The following SUV39H2 variants were observed in gnomAD, a reference collection of about 807,000 sequenced individuals.
SUV39H2 encodes histone-lysine N-methyltransferase SUV39H2.
In SUV39H2, 10 loss-of-function variants were observed where a neutral mutation model predicts 47.5. That is an observed-to-expected ratio of 0.21 (90% CI 0.13 to 0.36). SUV39H2 has a LOEUF of 0.36. Among genes scored for constraint, SUV39H2 ranks in the 10% least tolerant of loss-of-function variants. The pLI, the probability that SUV39H2 is intolerant of heterozygous loss-of-function variation, is 1.00. For missense variants in SUV39H2, 266 were observed against 487.4 expected (o/e 0.55, Z 4.28); for synonymous variants, 159 against 166.8 (o/e 0.95, Z 0.36).
chr10:14,901,543 GTC>G (rs760838091), intron 5 of SUV39H2, among the ~76,000 whole-genome samples: 2 of 146,404 alleles, frequency 1.4e-5, no homozygotes, highest in Admixed American at 6.8e-5. Context: ...TGTACTACTT[GTC>G]TTTTTTTTTT....
Position 14,889,392 on chromosome 10 carries a change from T to C in SUV39H2, c.178-7454T>C, listed in dbSNP as rs557510643. On this transcript the variant is annotated intron_variant, in intron 2 of 5. Transcript: ENST00000354919. Reference sequence around the variant, plus strand: ...TGTCTTAGCAACTTAATATGTCTTTTAGAGATTCCCTACATATACAAAAGT... The same window carrying C: ...TGTCTTAGCAACTTAATATGTCTTTCAGAGATTCCCTACATATACAAAAGT... Among the ~76,000 whole-genome samples the C allele has an allele frequency of 1.2e-4, 19 of 152,328 alleles. No homozygotes were observed. The East Asian group carries it at 3.7e-3, about 29-fold the overall frequency.
intron 4 of SUV39H2, among the ~76,000 whole-genome samples, chr10:14,899,972 T>C (rs1375715717): frequency 6.6e-6 from 1 of 152,218 alleles, no homozygotes; most frequent in Non-Finnish European, 1.5e-5. Context: ...ATTACTTTCA[T>C]ATTACAATGA....
chr10:14,879,036 C>G (rs1832957479), intron 1 of SUV39H2, 117 bp downstream of exon 1: 1 of 1,317,990 alleles, frequency 7.6e-7, no homozygotes, highest in Non-Finnish European at 9.7e-7. Flanking sequence ...CCCCGCCCGC[C>G]GCGACCCCAA....
chr10:14,892,157 T>C (rs1479059675), intron 2 of SUV39H2, among the ~76,000 whole-genome samples: 1 of 152,156 alleles, frequency 6.6e-6, no homozygotes, highest in African/African-American at 2.4e-5. Flanking sequence ...AATGGTTAGG[T>C]GGTGGCTGCC....
intron 2 of SUV39H2, among the ~76,000 whole-genome samples, chr10:14,892,204 T>C (rs935329133): frequency 2.6e-5 from 4 of 151,906 alleles, no homozygotes; most frequent in Non-Finnish European, 5.9e-5. Context: ...GGCTGAAGAG[T>C]CCGTGGGTTT....
intron 2 of SUV39H2, among the ~76,000 whole-genome samples, chr10:14,890,542 G>C (rs1331513535): frequency 6.6e-6 from 1 of 152,138 alleles, no homozygotes; most frequent in Admixed American, 6.5e-5. Flanking sequence ...ACAGGCATGT[G>C]CCACCACATG....
chr10:14,887,260 A>T (rs1410001100), intron 2 of SUV39H2, among the ~76,000 whole-genome samples: 2 of 152,092 alleles, frequency 1.3e-5, no homozygotes, highest in Non-Finnish European at 2.9e-5. Flanking sequence ...AAAAATAAGG[A>T]TGTAAAATGT....
chr10:14,898,264 G>A lies in SUV39H2; in HGVS notation c.849+747G>A, dbSNP rs11259382. On this transcript the variant is annotated intron_variant, in intron 3 of 5. Coordinates refer to ENST00000354919, the MANE Select transcript of SUV39H2 (RefSeq NM_001193424.2). ...GTACTGTTATGTCCATTATTGTAGAGAAATTGAGTACCTTGCCCAAGGTCA... is the reference window on the plus strand; with the variant it reads ...GTACTGTTATGTCCATTATTGTAGAAAAATTGAGTACCTTGCCCAAGGTCA... 7.6e-5 allele frequency: 9 copies of A among 117,662 alleles called. No individual in the cohort carries two copies. In the East Asian group the frequency reaches 2.4e-3, roughly 31 times the overall value. 7.3% of individuals were successfully genotyped at this position (117,662 alleles called of 1,614,324 possible). A position where few individuals can be genotyped will look rare whatever the true frequency, so the allele number is the denominator to read the frequency against.
At chr10:14,901,064 T>A in intron 4 of SUV39H2, 69 bp from the exon 5 acceptor site, 1 of 1,553,728 alleles carries the variant, frequency 6.4e-7, no homozygotes, top group Admixed American at 1.9e-5. Flanking sequence ...AAGTAAACAT[T>A]TTATATGGCA....
At chr10:14,889,224 A>C (rs895299734) in intron 2 of SUV39H2, among the ~76,000 whole-genome samples, 17 of 152,136 alleles carry the variant, frequency 1.1e-4, no homozygotes, top group African/African-American at 4.1e-4. Context: ...GGTGTTTATA[A>C]TTTTTTTCAA....
Position 14,903,421 on chromosome 10 carries a change from A to G in SUV39H2, c.*909A>G, listed in dbSNP as rs1834152526. 6.6e-6 allele frequency: 1 copy of G among 152,244 alleles called. No individual in the cohort carries two copies. Among genetic ancestry groups the G allele is most frequent in the African/African-American group, 2.4e-5 (1 of 41,476 alleles). 9.4% of individuals were successfully genotyped at this position (152,244 alleles called of 1,614,324 possible). A position where few individuals can be genotyped will look rare whatever the true frequency, so the allele number is the denominator to read the frequency against. Reference sequence around the variant, plus strand: ...TGTACCTAACAATACTGTAATGTACATTAACATTACAGCCTCTCAATTTCA... The same window carrying G: ...TGTACCTAACAATACTGTAATGTACGTTAACATTACAGCCTCTCAATTTCA... On this transcript the variant is annotated 3_prime_UTR_variant, in exon 6 of 6. Coordinates refer to ENST00000354919, the MANE Select transcript of SUV39H2 (RefSeq NM_001193424.2).
In SUV39H2 at chr10:14,897,250, A is replaced by T; in HGVS notation, c.582A>T (p.Thr194=). The T allele has an allele frequency of 6.2e-7, 1 of 1,613,900 alleles. No individual in the cohort carries two copies. Among genetic ancestry groups the T allele is most frequent in the South Asian group, 1.1e-5 (1 of 91,086 alleles). ...AAGCTACCTTTGGTTGTTCATGCAC[A>T]GATTGCTTCTTTCAAAAATGTTGTC... The part of the protein sequence containing the change: ...VNEATFGCSC[T]DCFFQKCCPA... Residue 194 remains threonine, a synonymous_variant, in exon 3 of 6, where the codon ACA becomes ACT. Transcript: ENST00000354919.
At chr10:14,901,091 T>G (rs752819993) in intron 4 of SUV39H2, 42 bp from the exon 5 acceptor site, 1 of 1,606,878 alleles carries the variant, frequency 6.2e-7, no homozygotes, top group Non-Finnish European at 8.5e-7. Flanking sequence ...AGGGCTTGTT[T>G]ACACCGTTTG....
chr10:14,878,893 C>T lies in SUV39H2; in HGVS notation c.5C>T (p.Ala2Val). Reference sequence around the variant, plus strand: ...TTTGAATGAAAGCTCTACAAGATGGCGGCGGTCGGGGCCGAGGCGCGAGGA... The same window carrying T: ...TTTGAATGAAAGCTCTACAAGATGGTGGCGGTCGGGGCCGAGGCGCGAGGA... M[A>V]AVGAEARGAW... Residue 2 changes from alanine (A) to valine (V), a missense_variant, in exon 1 of 6, where the codon GCG becomes GTG. Transcript: ENST00000354919. 1 of 1,487,522 alleles carries T rather than the reference C, an allele frequency of 6.7e-7. No homozygotes were observed. The highest frequency in any genetic ancestry group is 1.3e-5 in the South Asian group (1 of 75,600). 92.1% of individuals were successfully genotyped at this position (1,487,522 alleles called of 1,614,324 possible). A position where few individuals can be genotyped will look rare whatever the true frequency, so the allele number is the denominator to read the frequency against.
In SUV39H2 at chr10:14,881,552, A is replaced by G; in HGVS notation, c.84A>G (p.Arg28=). Residue 28 remains arginine, a synonymous_variant, in exon 2 of 6, where the codon AGA becomes AGG. Coordinates refer to ENST00000354919, the MANE Select transcript of SUV39H2 (RefSeq NM_001193424.2). ...VSLDTLQELC[R]KEKLTCKSIG... ...TTGATACTCTTCAGGAATTATGTAGAAAAGAAAAGCTCACATGTAAATCGA... is the reference window on the plus strand; with the variant it reads ...TTGATACTCTTCAGGAATTATGTAGGAAAGAAAAGCTCACATGTAAATCGA... The G allele has an allele frequency of 1.2e-6, 2 of 1,606,658 alleles. No individual in the cohort carries two copies. The highest frequency in any genetic ancestry group is 2.2e-5 in the South Asian group (2 of 89,444).
In SUV39H2 at chr10:14,894,633, C is replaced by G. The variant is rs1833506424; in HGVS notation, c.178-2213C>G. On this transcript the variant is annotated intron_variant, in intron 2 of 5. Transcript: ENST00000354919. ...CCGCCCGCCTCGGCCTCCCAAAGTG[C>G]TGGGATTACAGGCGTGAGCCACCGC... Among the ~76,000 whole-genome samples the G allele has an allele frequency of 3.5e-5, 2 of 57,540 alleles. 1 individual carries two copies. Among genetic ancestry groups the G allele is most frequent in the Admixed American group, 3.4e-4 (2 of 5,862 alleles). 37.7% of individuals were successfully genotyped at this position (57,540 alleles called of 152,430 possible). A position where few individuals can be genotyped will look rare whatever the true frequency, so the allele number is the denominator to read the frequency against.
chr10:14,885,542 T>C (rs1288242930), intron 2 of SUV39H2, among the ~76,000 whole-genome samples: 2 of 152,246 alleles, frequency 1.3e-5, no homozygotes. Flanking sequence ...TGTGGAATCC[T>C]GAGTGTTGTA....
At chr10:14,883,769 T>C (rs1833120113) in intron 2 of SUV39H2, among the ~76,000 whole-genome samples, 1 of 150,112 alleles carries the variant, frequency 6.7e-6, no homozygotes, top group South Asian at 2.1e-4. Context: ...GGAGTCAGTT[T>C]TAGAACACTT....
intron 2 of SUV39H2, among the ~76,000 whole-genome samples, chr10:14,893,236 C>T (rs1833452310): frequency 6.6e-6 from 1 of 151,794 alleles, no homozygotes; most frequent in African/African-American, 2.4e-5. Flanking sequence ...ATCTCCTGAC[C>T]TCGTGATCCG....
Sources: gnomAD v4.1 joint callset for allele counts (sites outside exome capture counted in the v4.1 genomes callset) on GRCh38, gnomAD v4.1.1 for gene constraint, MANE v1.5 for transcripts, NCBI Gene and HGNC (gene_info 2026-07-23, HGNC 2026-07-21) for gene names.